Variants in LMX1B observed in about 807,000 individuals in gnomAD.
LMX1B encodes the protein LIM homeobox transcription factor 1-beta.
A neutral mutation model predicts 51.4 loss-of-function variants in LMX1B; 12 were observed. The observed-to-expected ratio is 0.23, with a 90% CI of 0.15 to 0.38. The LOEUF is 0.38. Among genes scored for constraint, LMX1B ranks in the 10% least tolerant of loss-of-function variants. The pLI is 1.00. For missense variants in LMX1B, 445 were observed against 571.1 expected, an observed-to-expected ratio of 0.78 and a Z score of 2.25; for synonymous variants, 237 against 235.4, an observed-to-expected ratio of 1.01 and a Z score of -0.06.
chr9:126,617,411 A>C (rs947442110), intron 2 of LMX1B, among the ~76,000 whole-genome samples: 1 of 152,068 alleles, frequency 6.6e-6, no homozygotes, highest in African/African-American at 2.4e-5. Context: ...AAACTTGTTA[A>C]TATATTGAAA....
chr9:126,636,057 CT>C (rs5900713), intron 2 of LMX1B, among the ~76,000 whole-genome samples: 23,042 of 152,054 alleles, frequency 0.15, 2,296 homozygotes, highest in East Asian at 0.45. Context: ...CCCTGGAGCC[CT>C]CCCCTCTATG....
chr9:126,665,230 C>T (rs901639388), intron 2 of LMX1B, among the ~76,000 whole-genome samples: 2 of 152,326 alleles, frequency 1.3e-5, no homozygotes, highest in African/African-American at 4.8e-5. Context: ...CCCTCCTCCA[C>T]GGTCCATCGT....
Position 126,682,097 on chromosome 9 carries a change from T to TTC in LMX1B, c.327-8738_327-8737insCT, listed in dbSNP as rs1427894805. Among the ~76,000 whole-genome samples, 17 of 139,808 alleles carry TTC rather than the reference T, an allele frequency of 1.2e-4. 1 individual carries two copies. The highest frequency in any genetic ancestry group is 2.3e-4 in the Non-Finnish European group (15 of 64,630). The allele number at this position is 139,808 out of a possible 152,430, so 91.7% of individuals were successfully genotyped here. A position where few individuals can be genotyped will look rare whatever the true frequency, so the allele number is the denominator to read the frequency against. On this transcript the variant is annotated intron_variant, in intron 2 of 7. Coordinates refer to ENST00000373474, the MANE Select transcript of LMX1B (RefSeq NM_001174147.2). Reference sequence around the variant, plus strand: ...GTCCCCAGGGTCTTTTTTTTTTTTTTTTTTTTTTTTTATAGAGATGGGCTT... The same window carrying TTC: ...GTCCCCAGGGTCTTTTTTTTTTTTTTTCTTTTTTTTTTTATAGAGATGGGCTT...
intron 2 of LMX1B, among the ~76,000 whole-genome samples, chr9:126,645,967 T>A (rs1485080823): frequency 6.6e-6 from 1 of 152,120 alleles, no homozygotes; most frequent in African/African-American, 2.4e-5. Context: ...CTGCTCTGGC[T>A]CTCAGAACAT....
rs10115373 is a variant in LMX1B at position 126,696,478 on chromosome 9, G to C, written c.*27G>C. 1.1e-5 allele frequency: 17 copies of C among 1,613,106 alleles called. No individual in the cohort carries two copies. The highest frequency in any genetic ancestry group is 1.6e-4 in the Middle Eastern group (1 of 6,084). ...AGCCAGCCAGGCGCACGGACGCTTG[G>C]GCAGGGGCCTGGGGGGGACTGCCAG... On this transcript the variant is annotated 3_prime_UTR_variant, in exon 8 of 8. Coordinates refer to ENST00000373474, the MANE Select transcript of LMX1B (RefSeq NM_001174147.2).
intron 2 of LMX1B, among the ~76,000 whole-genome samples, chr9:126,633,879 C>T (rs528236809): frequency 6.6e-6 from 1 of 152,122 alleles, no homozygotes; most frequent in Non-Finnish European, 1.5e-5. Context: ...CCCATTTCAG[C>T]GATATGGAGA....
intron 3 of LMX1B, among the ~76,000 whole-genome samples, chr9:126,692,848 G>A (rs971666738): frequency 3.9e-5 from 6 of 152,238 alleles, no homozygotes; most frequent in Non-Finnish European, 5.9e-5. Flanking sequence ...TGTCCGAGGC[G>A]CACCTGTGTG....
At chr9:126,650,179 G>T (rs1463958856) in intron 2 of LMX1B, among the ~76,000 whole-genome samples, 1 of 152,212 alleles carries the variant, frequency 6.6e-6, no homozygotes, top group African/African-American at 2.4e-5. Context: ...ACTGAGGAGG[G>T]CTGGGCATAG....
chr9:126,661,842 G>A (rs551090566), intron 2 of LMX1B, among the ~76,000 whole-genome samples: 4 of 152,326 alleles, frequency 2.6e-5, no homozygotes, highest in Non-Finnish European at 5.9e-5. Flanking sequence ...GGCCAGGCCT[G>A]CAGCGCCCCC....
At chr9:126,619,474 A>G (rs1002290264) in intron 2 of LMX1B, among the ~76,000 whole-genome samples, 1 of 152,012 alleles carries the variant, frequency 6.6e-6, no homozygotes, top group Admixed American at 6.5e-5. Flanking sequence ...TGCCCCAACC[A>G]TCAAACTCAT....
At chr9:126,620,061 C>T (rs1157772800) in intron 2 of LMX1B, among the ~76,000 whole-genome samples, 2 of 152,152 alleles carry the variant, frequency 1.3e-5, no homozygotes, top group Non-Finnish European at 2.9e-5. Context: ...GAAGTTATTG[C>T]TGTTACTCTT....
At chr9:126,642,672 T>C (rs1047129337) in intron 2 of LMX1B, among the ~76,000 whole-genome samples, 1 of 152,192 alleles carries the variant, frequency 6.6e-6, no homozygotes, top group Non-Finnish European at 1.5e-5. Context: ...TGCCATAATA[T>C]AGACACTGGG....
rs577706736 is a variant in LMX1B at position 126,644,554 on chromosome 9, T to C, written c.326+28985T>C. Among the ~76,000 whole-genome samples, 6 of 152,290 alleles carry C rather than the reference T, an allele frequency of 3.9e-5. No individual in the cohort carries two copies. In the South Asian group the frequency reaches 8.3e-4, roughly 21 times the overall value. ...TGTTCCCTAGTCTAAGGCTCCTTGT[T>C]TAATTCTGCAAAGCCCCATGGCCCC... On this transcript the variant is annotated intron_variant, in intron 2 of 7. Transcript: ENST00000373474.
intron 2 of LMX1B, among the ~76,000 whole-genome samples, chr9:126,688,262 G>A (rs574773936): frequency 6.6e-6 from 1 of 152,350 alleles, no homozygotes; most frequent in African/African-American, 2.4e-5. Context: ...GCATTAGCGC[G>A]GCTGTTCTGA....
At chr9:126,689,479 G>A (rs367795279) in intron 2 of LMX1B, among the ~76,000 whole-genome samples, 5 of 152,352 alleles carry the variant, frequency 3.3e-5, no homozygotes, top group East Asian at 1.9e-4. Context: ...GCCCGGGGAC[G>A]CCGGGAATGA....
intron 2 of LMX1B, among the ~76,000 whole-genome samples, chr9:126,665,640 T>C (rs1836328359): frequency 6.6e-6 from 1 of 152,192 alleles, no homozygotes; most frequent in African/African-American, 2.4e-5. Context: ...GACCACTCCT[T>C]CCCCTGGGTG....
intron 2 of LMX1B, among the ~76,000 whole-genome samples, chr9:126,682,624 C>T (rs1564165887): frequency 6.6e-6 from 1 of 152,094 alleles, no homozygotes; most frequent in African/African-American, 2.4e-5. Context: ...GGGCCGTGTG[C>T]GGTGGCTCAC....
chr9:126,687,520 G>A (rs965510718), intron 2 of LMX1B, among the ~76,000 whole-genome samples: 9 of 152,292 alleles, frequency 5.9e-5, no homozygotes, highest in East Asian at 5.8e-4. Context: ...GTGAGCCACC[G>A]CGCTGGCCTG....
At chr9:126,659,883 T>C (rs1836194530) in intron 2 of LMX1B, among the ~76,000 whole-genome samples, 1 of 123,560 alleles carries the variant, frequency 8.1e-6, no homozygotes, top group Admixed American at 7.8e-5. Context: ...TTGTCCTATC[T>C]GGGGTGCCTA....
Sources: gnomAD v4.1 joint callset for allele counts (sites outside exome capture counted in the v4.1 genomes callset) on GRCh38, gnomAD v4.1.1 for gene constraint, MANE v1.5 for transcripts, NCBI Gene and HGNC (gene_info 2026-07-23, HGNC 2026-07-21) for gene names.